Variants in PHF3 observed in about 807,000 individuals in gnomAD.
PHF3 encodes the protein PHD finger protein 3.
Under a neutral mutation model 178.4 loss-of-function variants are expected in PHF3, and 41 were observed. The observed-to-expected ratio is 0.23, with a 90% CI of 0.18 to 0.30. The LOEUF (loss-of-function observed/expected upper bound fraction) is 0.30, where lower values mean the gene tolerates loss of function less well. PHF3 is among the 10% of genes least tolerant of loss of function. The probability of loss-of-function intolerance (pLI) is 1.00; values close to 1 mark genes in which losing one functional copy is unlikely to be tolerated. For synonymous variants in PHF3, 842 were observed against 800.5 expected (o/e 1.05, Z -0.88); for missense variants, 2,346 against 2,398.1 (o/e 0.98, Z 0.45).
In PHF3 at chr6:63,700,334, T is replaced by G. The variant is rs1767419609; in HGVS notation, c.2983-16T>G. The G allele has an allele frequency of 7.8e-7, 1 of 1,278,876 alleles. No homozygotes were observed. Among genetic ancestry groups the G allele is most frequent in the Non-Finnish European group, 1.1e-6 (1 of 894,142 alleles). 79.2% of individuals were successfully genotyped at this position (1,278,876 alleles called of 1,614,324 possible). ...TGTTTGTCTCCCCTTCTATTCCTATTTTAAAATCCTTCCAGATATTATTTA... is the reference window on the plus strand; with the variant it reads ...TGTTTGTCTCCCCTTCTATTCCTATGTTAAAATCCTTCCAGATATTATTTA... On this transcript the variant is annotated splice_polypyrimidine_tract_variant and intron_variant, in intron 8 of 15. Coordinates refer to ENST00000262043, the MANE Select transcript of PHF3 (RefSeq NM_001370348.2).
intron 5 of PHF3, among the ~76,000 whole-genome samples, chr6:63,694,329 G>T (rs1037934461): frequency 6.6e-6 from 1 of 152,040 alleles, no homozygotes; most frequent in Non-Finnish European, 1.5e-5. Flanking sequence ...CATATCCAGA[G>T]CCAAATAAGA....
At chr6:63,687,536 C>T (rs1232847639) in intron 4 of PHF3, among the ~76,000 whole-genome samples, 3 of 152,212 alleles carry the variant, frequency 2.0e-5, no homozygotes, top group African/African-American at 7.2e-5. Flanking sequence ...GCCTTTTTCT[C>T]TCTGCCAGAA....
chr6:63,673,843 A>G lies in PHF3; in HGVS notation c.245-6157A>G, dbSNP rs560843453. On this transcript the variant is annotated intron_variant, in intron 2 of 15. Transcript: ENST00000262043. ...AGGTGAATATCTCCTCCTCTTAACT[A>G]TAAAGGTAAGGGAGTTGACAGGAGC... 3.3e-5 allele frequency among the ~76,000 whole-genome samples: 5 copies of G among 152,310 alleles called. 1 individual carries two copies. The South Asian group carries it at 8.3e-4, about 25-fold the overall frequency.
At chr6:63,645,526 T>C (rs923280918) in intron 1 of PHF3, among the ~76,000 whole-genome samples, 2 of 152,182 alleles carry the variant, frequency 1.3e-5, no homozygotes, top group African/African-American at 4.8e-5. Context: ...TTTGAGGAAA[T>C]TTTGTTAAAT....
intron 2 of PHF3, among the ~76,000 whole-genome samples, chr6:63,677,580 A>T (rs1766224824): frequency 6.6e-6 from 1 of 152,140 alleles, no homozygotes. Flanking sequence ...TCATTACATG[A>T]CTTCACTCCC....
intron 6 of PHF3, among the ~76,000 whole-genome samples, chr6:63,696,834 G>C (rs1767248885): frequency 6.6e-6 from 1 of 152,126 alleles, no homozygotes; most frequent in Non-Finnish European, 1.5e-5. Flanking sequence ...TGGTGACCTT[G>C]ACTAGAATGG....
At chr6:63,690,056 C>T (rs538812853) in intron 4 of PHF3, among the ~76,000 whole-genome samples, 30 of 152,216 alleles carry the variant, frequency 2.0e-4, no homozygotes, top group African/African-American at 6.7e-4. Context: ...TTTAGCTTTG[C>T]AACTCGAAGT....
chr6:63,647,415 A>T (rs900740363), intron 2 of PHF3, among the ~76,000 whole-genome samples: 3 of 152,218 alleles, frequency 2.0e-5, no homozygotes, highest in African/African-American at 7.2e-5. Context: ...GAGATGTGCT[A>T]TAAAATGCAC....
Position 63,721,849 on chromosome 6 carries a change from G to A in PHF3, c.*8141G>A. 6.7e-7 allele frequency: 1 copy of A among 1,482,224 alleles called. No homozygotes were observed. Among genetic ancestry groups the A allele is most frequent in the Non-Finnish European group, 9.0e-7 (1 of 1,116,150 alleles). 91.8% of individuals were successfully genotyped at this position (1,482,224 alleles called of 1,614,324 possible). On this transcript the variant is annotated 3_prime_UTR_variant, in exon 16 of 16. Transcript: ENST00000262043. ...ATTAGCAACAGTAAAAGTTTCCATTGAAAACTTTTGCTGTTTCTGGCCAAG... is the reference window on the plus strand; with the variant it reads ...ATTAGCAACAGTAAAAGTTTCCATTAAAAACTTTTGCTGTTTCTGGCCAAG...
intron 1 of PHF3, among the ~76,000 whole-genome samples, chr6:63,638,536 A>G (rs1905593): frequency 0.86 from 131,058 of 152,042 alleles, 56,644 homozygotes; most frequent in Non-Finnish European, 0.9. Flanking sequence ...TAGTGAGATA[A>G]TGAGATTTTT....
Position 63,684,115 on chromosome 6 carries a change from TC to T in PHF3, c.407-9del, listed in dbSNP as rs762196793. On this transcript the variant is annotated splice_polypyrimidine_tract_variant and intron_variant, in intron 3 of 15. Coordinates refer to ENST00000262043, the MANE Select transcript of PHF3 (RefSeq NM_001370348.2). The stretch of plus-strand genomic sequence containing the variant: ...TAGCTAAGTATTTTTATTTATTTTT[TC>T]CCCCTGTGATAGAACAAGTAAGAAG... 37 of 1,546,184 alleles carry T rather than the reference TC, an allele frequency of 2.4e-5. No individual in the cohort carries two copies. Among genetic ancestry groups the T allele is most frequent in the Middle Eastern group, 3.5e-4 (2 of 5,758 alleles).
At chr6:63,670,047 G>A (rs956381202) in intron 2 of PHF3, among the ~76,000 whole-genome samples, 3 of 151,810 alleles carry the variant, frequency 2.0e-5, no homozygotes, top group African/African-American at 4.8e-5. Flanking sequence ...TTATAGAACC[G>A]TTTTTATACT....
At chr6:63,705,889 CAGTT>C in intron 11 of PHF3, 136 bp from the exon 12 acceptor site, 1 of 624,518 alleles carries the variant, frequency 1.6e-6, no homozygotes, top group Non-Finnish European at 2.7e-6. Flanking sequence ...TAAATGATGA[CAGTT>C]AGATATAACC....
At chr6:63,702,401 C>A in intron 9 of PHF3, 107 bp from the exon 10 acceptor site, 1 of 684,404 alleles carries the variant, frequency 1.5e-6, no homozygotes, top group Non-Finnish European at 2.3e-6. Context: ...GATTAAAAGT[C>A]ATCTGTGGTG....
At chr6:63,693,297 T>A (rs1023276751) in intron 5 of PHF3, among the ~76,000 whole-genome samples, 4 of 152,202 alleles carry the variant, frequency 2.6e-5, no homozygotes, top group Non-Finnish European at 5.9e-5. Context: ...TGACCATAGC[T>A]GAGTTGTCTC....
At chr6:63,664,333 C>T (rs185274997) in intron 2 of PHF3, among the ~76,000 whole-genome samples, 1 of 152,312 alleles carries the variant, frequency 6.6e-6, no homozygotes, top group East Asian at 1.9e-4. Context: ...GTTCATAGAG[C>T]ATGATCATTT....
At chr6:63,651,489 G>A (rs1351561775) in intron 2 of PHF3, among the ~76,000 whole-genome samples, 1 of 152,068 alleles carries the variant, frequency 6.6e-6, no homozygotes, top group African/African-American at 2.4e-5. Context: ...AGCCTCCTGA[G>A]TAGCCGGGAT....
rs546656211 is a variant in PHF3 at position 63,694,518 on chromosome 6, G to T, written c.2497-63G>T. 5 of 1,149,398 alleles carry T rather than the reference G, an allele frequency of 4.4e-6. No homozygotes were observed. In the African/African-American group the frequency reaches 7.9e-5, roughly 18 times the overall value. The allele number at this position is 1,149,398 out of a possible 1,614,324, so 71.2% of individuals were successfully genotyped here. ...TAATAATCAAGAGTTATTTTTGTAC[G>T]TCTTAAAAAACAAAGATTGTTTAGT... On this transcript the variant is annotated intron_variant, in intron 5 of 15. Transcript: ENST00000262043.
chr6:63,700,446 A>G lies in PHF3; in HGVS notation c.3079A>G (p.Arg1027Gly). 6.3e-7 allele frequency: 1 copy of G among 1,577,150 alleles called. No individual in the cohort carries two copies. Among genetic ancestry groups the G allele is most frequent in the Non-Finnish European group, 8.7e-7 (1 of 1,148,430 alleles). Residue 1027 changes from arginine to glycine, a missense_variant, in exon 9 of 16, where the codon AGA (arginine) becomes GGA (glycine). By Grantham distance (125) the Arg-to-Gly change is moderately radical. Around this residue, in one of 8 missense-constraint regions of PHF3, gnomAD observed 45 missense variants for 87.9 expected, o/e 0.51. Transcript: ENST00000262043. ...ELASKELAAWRRRENRHTIEM... is the reference protein window; with the variant it reads ...ELASKELAAWGRRENRHTIEM... ...AGCTTCTAAAGAGTTAGCTGCTTGG[A>G]GACGAAGAGAAAACAGACATGTAAG... is the stretch of plus-strand genomic sequence containing the variant.
Sources: allele counts gnomAD v4.1 joint callset (sites outside exome capture counted in the v4.1 genomes callset), GRCh38; gene constraint gnomAD v4.1.1; regional missense constraint gnomAD v4.1.1; transcripts MANE v1.5; gene names NCBI Gene and HGNC (gene_info 2026-07-23, HGNC 2026-07-21).